Variants in SMPX observed in about 807,000 individuals in gnomAD.
The protein encoded by SMPX is small muscular protein.
A neutral mutation model predicts 6.3 loss-of-function variants in SMPX; 2 were observed. The observed-to-expected ratio is 0.32, with a 90% CI of 0.13 to 0.99. The LOEUF is 0.99. Among genes scored for constraint, SMPX ranks in the 50% least tolerant of loss-of-function variants. The pLI, the probability that SMPX is intolerant of heterozygous loss-of-function variation, is 0.49. For missense variants in SMPX, 60 were observed against 66.8 expected, an observed-to-expected ratio of 0.90 and a Z score of 0.36; for synonymous variants, 32 against 24.7, an observed-to-expected ratio of 1.30 and a Z score of -0.88.
At chrX:21,741,589 GC>G (rs757195442) in intron 3 of SMPX, among the ~76,000 whole-genome samples, 4 of 110,992 alleles carry the variant, frequency 3.6e-5, no homozygotes, top group Non-Finnish European at 5.7e-5. Context: ...TGAGGTCCAG[GC>G]CAGAGACTGA....
intron 2 of SMPX, among the ~76,000 whole-genome samples, chrX:21,746,505 G>A (rs1394478179): frequency 9.0e-6 from 1 of 111,291 alleles, no homozygotes; most frequent in Non-Finnish European, 1.9e-5. Context: ...TTTGAGAGTG[G>A]TCTTTGAAAA....
intron 4 of SMPX, among the ~76,000 whole-genome samples, chrX:21,712,279 A>G (rs748346319): frequency 8.9e-6 from 1 of 112,242 alleles, no homozygotes; most frequent in Non-Finnish European, 1.9e-5. Context: ...AAATCCTTCT[A>G]ACAATAATTA....
intron 4 of SMPX, chrX:21,733,569 T>C: frequency 4.1e-6 from 1 of 246,086 alleles, no homozygotes; most frequent in South Asian, 4.4e-5. Flanking sequence ...GAGAATTTCT[T>C]TTTAGAGCTT....
At chrX:21,715,665 CCATGG>C (rs1428724097) in intron 4 of SMPX, among the ~76,000 whole-genome samples, 1 of 111,021 alleles carries the variant, frequency 9.0e-6, no homozygotes, top group African/African-American at 3.3e-5. Context: ...TGCTATTGGT[CCATGG>C]ACCACTTGAA....
chrX:21,712,753 A>G (rs532623611), intron 4 of SMPX, among the ~76,000 whole-genome samples: 1 of 112,199 alleles, frequency 8.9e-6, no homozygotes, highest in Non-Finnish European at 1.9e-5. Context: ...TAAATAAGTC[A>G]AGGAGACTGC....
At chrX:21,708,085 T>C in intron 4 of SMPX, among the ~76,000 whole-genome samples, 1 of 112,993 alleles carries the variant, frequency 8.9e-6, no homozygotes, top group Non-Finnish European at 1.9e-5. Flanking sequence ...CATTAGTCTT[T>C]GGTGTCATTC....
chrX:21,716,235 C>T (rs1402821017), intron 4 of SMPX, among the ~76,000 whole-genome samples: 4 of 112,077 alleles, frequency 3.6e-5, no homozygotes, highest in Admixed American at 2.8e-4. Context: ...CCTCTTTAAG[C>T]AACTTTGAAA....
intron 3 of SMPX, among the ~76,000 whole-genome samples, chrX:21,742,849 A>T (rs1262087624): frequency 8.9e-6 from 1 of 112,667 alleles, no homozygotes; most frequent in Non-Finnish European, 1.9e-5. Context: ...TGGTAAACTT[A>T]AAAAGCCTTT....
At chrX:21,749,227 T>C (rs780007556) in intron 2 of SMPX, among the ~76,000 whole-genome samples, 1 of 112,515 alleles carries the variant, frequency 8.9e-6, no homozygotes, top group Non-Finnish European at 1.9e-5. Context: ...ATAAGTTAGA[T>C]TTAGTTTTAC....
At chrX:21,708,580 G>A (rs1036583452) in intron 4 of SMPX, among the ~76,000 whole-genome samples, 1 of 111,936 alleles carries the variant, frequency 8.9e-6, no homozygotes, top group African/African-American at 3.2e-5. Flanking sequence ...TTTAACAGAG[G>A]TGTCCCGACT....
intron 2 of SMPX, among the ~76,000 whole-genome samples, chrX:21,746,097 TTTGTAATA>T (rs1336496475): frequency 1.8e-5 from 2 of 111,673 alleles, no homozygotes; most frequent in Non-Finnish European, 3.8e-5. Flanking sequence ...ATTGTCCCCA[TTTGTAATA>T]TGAATATTAG....
chrX:21,744,786 C>T (rs1485050636), intron 2 of SMPX, among the ~76,000 whole-genome samples: 1 of 112,070 alleles, frequency 8.9e-6, no homozygotes, highest in Non-Finnish European at 1.9e-5. Flanking sequence ...GTTGAAATTT[C>T]GTTTTGATGT....
At chrX:21,727,946 A>G (rs1056398688) in intron 4 of SMPX, among the ~76,000 whole-genome samples, 2 of 112,240 alleles carry the variant, frequency 1.8e-5, no homozygotes, top group African/African-American at 6.5e-5. Flanking sequence ...TCACTTCCCC[A>G]GTTTTCTGCG....
intron 2 of SMPX, among the ~76,000 whole-genome samples, chrX:21,748,568 T>C (rs753480161): frequency 1.1e-4 from 12 of 111,747 alleles, no homozygotes; most frequent in Non-Finnish European, 1.9e-4. Context: ...GTCACAAATA[T>C]AGAGCTAGGC....
At chrX:21,734,482 C>T (rs1223517295) in intron 4 of SMPX, among the ~76,000 whole-genome samples, 1 of 111,797 alleles carries the variant, frequency 8.9e-6, no homozygotes, top group Non-Finnish European at 1.9e-5. Context: ...CTAGATTTTG[C>T]CACTGGTCCT....
At chrX:21,757,238 G>C (rs2092833963) in intron 1 of SMPX, among the ~76,000 whole-genome samples, 2 of 111,459 alleles carry the variant, frequency 1.8e-5, no homozygotes, top group African/African-American at 6.5e-5. Flanking sequence ...TCCTGAGAAG[G>C]GTGTAGAAAG....
intron 4 of SMPX, among the ~76,000 whole-genome samples, chrX:21,719,540 A>AAAAG (rs377515861): frequency 0.044 from 4,768 of 108,824 alleles, 216 homozygotes; most frequent in African/African-American, 0.13. Context: ...GAAGAAGAAG[A>AAAAG]AAAGAAAGAA....
intron 2 of SMPX, among the ~76,000 whole-genome samples, chrX:21,750,712 C>G (rs2092826553): frequency 9.0e-6 from 1 of 111,670 alleles, no homozygotes; most frequent in Non-Finnish European, 1.9e-5. Context: ...AATTCAAAAG[C>G]CATCTCTTCT....
chrX:21,723,121 G>T (rs1282648035), intron 4 of SMPX, among the ~76,000 whole-genome samples: 3 of 111,324 alleles, frequency 2.7e-5, no homozygotes, highest in African/African-American at 9.8e-5. Flanking sequence ...CTAGGTCAGT[G>T]GTTCTCAAAG....
Sources: gnomAD v4.1 joint callset for allele counts (sites outside exome capture counted in the v4.1 genomes callset) on GRCh38, gnomAD v4.1.1 for gene constraint, MANE v1.5 for transcripts, NCBI Gene and HGNC (gene_info 2026-07-23, HGNC 2026-07-21) for gene names.